EDARADD: variants seen among roughly 807,000 people sequenced by gnomAD.
The protein encoded by EDARADD is EDAR associated via death domain.
EDARADD carries 20 observed loss-of-function variants against 25.6 expected under a neutral mutation model. That is an observed-to-expected ratio of 0.78 (90% CI 0.55 to 1.14). The LOEUF (loss-of-function observed/expected upper bound fraction) is 1.14, where lower values mean the gene tolerates loss of function less well. Among genes scored for constraint, EDARADD ranks in the 50% most tolerant of loss-of-function variants. The pLI is 0.00. For synonymous variants in EDARADD, 86 were observed against 94.4 expected (o/e 0.91, Z 0.52); for missense variants, 225 against 270.1 (o/e 0.83, Z 1.17).
At chr1:236,458,874 T>C (rs1418591356) in intron 4 of EDARADD, among the ~76,000 whole-genome samples, 1 of 152,072 alleles carries the variant, frequency 6.6e-6, no homozygotes, top group Non-Finnish European at 1.5e-5. Context: ...ACTCCTGAGC[T>C]CAGGCGATCT....
chr1:236,395,455 G>C lies in EDARADD; in HGVS notation c.61+950G>C, dbSNP rs911533223. ...GAAGTGAGCTCGTGGAAGAAGCGAAGGAGGAGAAGAAGAAGGGAGGGGAAG... is the reference window on the plus strand; with the variant it reads ...GAAGTGAGCTCGTGGAAGAAGCGAACGAGGAGAAGAAGAAGGGAGGGGAAG... On this transcript the variant is annotated intron_variant, in intron 1 of 5. Transcript: ENST00000334232. The surrounding 1 kb of genome is among the most constrained non-coding windows in gnomAD (Gnocchi z 6.9). 2 of 1,485,286 alleles carry C rather than the reference G, an allele frequency of 1.3e-6. No individual in the cohort carries two copies. The highest frequency in any genetic ancestry group is 2.1e-4 in the Middle Eastern group (1 of 4,782). The allele number at this position is 1,485,286 out of a possible 1,614,324, so 92.0% of individuals were successfully genotyped here.
chr1:236,475,918 C>T (rs539781076), intron 5 of EDARADD, among the ~76,000 whole-genome samples: 17 of 152,162 alleles, frequency 1.1e-4, no homozygotes, highest in South Asian at 2.1e-4. Flanking sequence ...AGGCCGGGCG[C>T]GGTGGCTCAT....
intron 3 of EDARADD, among the ~76,000 whole-genome samples, chr1:236,384,073 C>T (rs918126978): frequency 1.3e-5 from 2 of 152,142 alleles, no homozygotes; most frequent in Non-Finnish European, 2.9e-5. Context: ...TATTCTATTA[C>T]ATGAATGTGT....
intron 5 of EDARADD, among the ~76,000 whole-genome samples, chr1:236,480,369 G>A (rs1240652277): frequency 1.3e-5 from 2 of 151,878 alleles, no homozygotes; most frequent in Non-Finnish European, 2.9e-5. Flanking sequence ...ATAACACCGT[G>A]ATAACAATGT....
intron 1 of EDARADD, among the ~76,000 whole-genome samples, chr1:236,407,943 C>T (rs1238754353): frequency 6.6e-6 from 1 of 152,054 alleles, no homozygotes; most frequent in Non-Finnish European, 1.5e-5. Flanking sequence ...ATGGTTTTTT[C>T]TTTATTAGTC....
intron 1 of EDARADD, among the ~76,000 whole-genome samples, chr1:236,397,246 C>CA (rs1368592302): frequency 1.3e-5 from 2 of 151,696 alleles, no homozygotes; most frequent in Non-Finnish European, 2.9e-5. Flanking sequence ...CCTGACTCTA[C>CA]AAAAAATAGA....
At chr1:236,387,025 G>A (rs1667363801) in intron 3 of EDARADD, among the ~76,000 whole-genome samples, 1 of 48,020 alleles carries the variant, frequency 2.1e-5, no homozygotes, top group Non-Finnish European at 4.6e-5. Context: ...TGCCCGGCCA[G>A]CCGCCCCATC....
chr1:236,404,392 C>A (rs1667671385), intron 1 of EDARADD, among the ~76,000 whole-genome samples: 1 of 152,102 alleles, frequency 6.6e-6, no homozygotes, highest in Admixed American at 6.6e-5. Flanking sequence ...CCTGTGAGAA[C>A]AAAAGGAGTC....
intron 3 of EDARADD, among the ~76,000 whole-genome samples, chr1:236,378,530 T>C (rs1040834309): frequency 6.6e-6 from 1 of 152,224 alleles, no homozygotes; most frequent in Non-Finnish European, 1.5e-5. Flanking sequence ...ATTTGCCCTA[T>C]GACCTTACTT....
intron 3 of EDARADD, among the ~76,000 whole-genome samples, chr1:236,366,578 A>G (rs590470): frequency 0.28 from 35,953 of 128,954 alleles, 4,422 homozygotes; most frequent in East Asian, 0.39. Context: ...TTCCTGTCTG[A>G]TGTTCTGACC....
intron 1 of EDARADD, among the ~76,000 whole-genome samples, chr1:236,406,622 A>C (rs779535124): frequency 1.3e-5 from 2 of 152,176 alleles, no homozygotes; most frequent in Non-Finnish European, 2.9e-5. Flanking sequence ...ATGGTGGTCT[A>C]ATCTTTATGG....
chr1:236,461,403 G>C (rs891213724), intron 4 of EDARADD, among the ~76,000 whole-genome samples: 2 of 152,126 alleles, frequency 1.3e-5, no homozygotes, highest in Non-Finnish European at 2.9e-5. Context: ...TTATTGAAGA[G>C]ACTGTCTTTT....
intron 3 of EDARADD, among the ~76,000 whole-genome samples, chr1:236,370,356 G>C (rs574810142): frequency 6.6e-6 from 1 of 152,226 alleles, no homozygotes; most frequent in East Asian, 1.9e-4. Flanking sequence ...GGGAGGCAGA[G>C]GTTGCGGTGA....
chr1:236,418,175 G>T (rs144228712), intron 3 of EDARADD, among the ~76,000 whole-genome samples: 1,837 of 151,700 alleles, frequency 0.012, 64 homozygotes, highest in East Asian at 0.12. Context: ...GGATGGTCTC[G>T]ATCTCCTGAC....
chr1:236,380,136 C>A (rs1470840146), intron 3 of EDARADD, among the ~76,000 whole-genome samples: 1 of 152,116 alleles, frequency 6.6e-6, no homozygotes, highest in Admixed American at 6.6e-5. Context: ...GCTCCCATGC[C>A]TTCTAGAGAA....
At chr1:236,415,017 C>A (rs745610432) in intron 3 of EDARADD, among the ~76,000 whole-genome samples, 5 of 152,134 alleles carry the variant, frequency 3.3e-5, no homozygotes, top group African/African-American at 4.8e-5. Flanking sequence ...GATTTCCCCC[C>A]GTGGAGGGAA....
intron 4 of EDARADD, among the ~76,000 whole-genome samples, chr1:236,446,875 C>T (rs1658553510): frequency 6.6e-6 from 1 of 152,178 alleles, no homozygotes; most frequent in African/African-American, 2.4e-5. Flanking sequence ...GAAGTGTGCA[C>T]GCACTGTAAC....
At chr1:236,468,710 TG>T (rs1659283207) in intron 5 of EDARADD, among the ~76,000 whole-genome samples, 1 of 152,220 alleles carries the variant, frequency 6.6e-6, no homozygotes, top group South Asian at 2.1e-4. Context: ...ACTTTCTACC[TG>T]CGGTGCACTG....
rs149158198 is a variant in EDARADD, at chr1:236,474,141, A to G, written c.265+5865A>G. Among the ~76,000 whole-genome samples, 49 of 152,196 alleles carry G rather than the reference A, an allele frequency of 3.2e-4. 1 individual carries two copies. Among genetic ancestry groups the G allele is most frequent in the Middle Eastern group, 3.4e-3 (1 of 294 alleles). On this transcript the variant is annotated intron_variant, in intron 5 of 5. Transcript: ENST00000334232. ...ACTGGGATTCGAAGAGCACCATCCA[A>G]TACAGACCCAGAATCAGGATGATTT...
Sources: allele counts gnomAD v4.1 joint callset (sites outside exome capture counted in the v4.1 genomes callset), GRCh38; gene constraint gnomAD v4.1.1; non-coding constraint Gnocchi (gnomAD v3.1); transcripts MANE v1.5; gene names NCBI Gene and HGNC (gene_info 2026-07-23, HGNC 2026-07-21).